Variants in LEKR1 observed in about 807,000 individuals in gnomAD.
LEKR1 encodes leucine, glutamate and lysine rich 1.
A neutral mutation model predicts 72.4 loss-of-function variants in LEKR1; 59 were observed. The observed-to-expected ratio is 0.82, with a 90% CI of 0.66 to 1.01. LEKR1 has a LOEUF of 1.01. LEKR1 is among the 50% of genes least tolerant of loss of function. The probability of loss-of-function intolerance (pLI) is 0.00; values close to 1 mark genes in which losing one functional copy is unlikely to be tolerated. For synonymous variants in LEKR1, 257 were observed against 263.2 expected (o/e 0.98, Z 0.23); for missense variants, 728 against 759.2 (o/e 0.96, Z 0.48).
chr3:156,989,475 A>G (rs1330299640), intron 7 of LEKR1, among the ~76,000 whole-genome samples: 1 of 152,178 alleles, frequency 6.6e-6, no homozygotes, highest in African/African-American at 2.4e-5. Context: ...GTGTTTATAA[A>G]TACTCATTTC....
At chr3:156,846,655 G>A (rs1714637506) in intron 2 of LEKR1, among the ~76,000 whole-genome samples, 1 of 152,102 alleles carries the variant, frequency 6.6e-6, no homozygotes, top group Non-Finnish European at 1.5e-5. Context: ...TTGTTTTTGA[G>A]TAAGGGCATC....
intron 7 of LEKR1, among the ~76,000 whole-genome samples, chr3:156,982,314 G>A (rs186265721): frequency 5.3e-5 from 8 of 152,186 alleles, no homozygotes; most frequent in East Asian, 1.9e-4. Context: ...CCCTATAATC[G>A]CAAGATGGCT....
At chr3:157,017,147 A>G (rs1440408038) in intron 10 of LEKR1, among the ~76,000 whole-genome samples, 1 of 152,214 alleles carries the variant, frequency 6.6e-6, no homozygotes. Flanking sequence ...CTCTGTCACA[A>G]CCATTCAACC....
At chr3:156,849,745 A>G (rs1715104625) in intron 2 of LEKR1, among the ~76,000 whole-genome samples, 1 of 152,220 alleles carries the variant, frequency 6.6e-6, no homozygotes, top group South Asian at 2.1e-4. Context: ...TGCACCTTAT[A>G]CAAAAATTAA....
At chr3:157,013,770 T>G (rs1477466717) in intron 10 of LEKR1, among the ~76,000 whole-genome samples, 1 of 152,098 alleles carries the variant, frequency 6.6e-6, no homozygotes, top group Non-Finnish European at 1.5e-5. Flanking sequence ...GGAGAATCAT[T>G]AATATGACAT....
chr3:157,038,494 C>T (rs1297620757), intron 12 of LEKR1, among the ~76,000 whole-genome samples: 5 of 152,124 alleles, frequency 3.3e-5, no homozygotes, highest in Non-Finnish European at 7.4e-5. Flanking sequence ...TGATACTTAA[C>T]CCTTGGGACT....
chr3:156,849,184 G>T (rs559866099), intron 2 of LEKR1, among the ~76,000 whole-genome samples: 1 of 152,186 alleles, frequency 6.6e-6, no homozygotes, highest in East Asian at 1.9e-4. Flanking sequence ...AAAATACCTA[G>T]GAATCCAACT....
rs80353013 is a variant in LEKR1, at chr3:156,999,212, G to A, written c.1109+5935G>A. ...TTTCCTTTATAAATTACCCAGTCTCGGGCAGTTCTTTATAGCAGCATGAGA... is the reference window on the plus strand; with the variant it reads ...TTTCCTTTATAAATTACCCAGTCTCAGGCAGTTCTTTATAGCAGCATGAGA... On this transcript the variant is annotated intron_variant, in intron 9 of 12. Transcript: ENST00000356539. Among the ~76,000 whole-genome samples the A allele has an allele frequency of 3.5e-3, 527 of 152,102 alleles. 17 individuals carry two copies. The East Asian group carries it at 0.082, about 24-fold the overall frequency.
At chr3:157,001,501 T>A (rs1732009624) in intron 9 of LEKR1, among the ~76,000 whole-genome samples, 1 of 152,234 alleles carries the variant, frequency 6.6e-6, no homozygotes, top group African/African-American at 2.4e-5. Context: ...ATTAAGGGAA[T>A]CTGGATTCGC....
chr3:156,858,578 G>A (rs1171586978), intron 3 of LEKR1, among the ~76,000 whole-genome samples: 2 of 151,668 alleles, frequency 1.3e-5, no homozygotes, highest in African/African-American at 4.9e-5. Context: ...GGAGGCTGAG[G>A]TGGGAGAATC....
chr3:156,883,940 T>C (rs1719770312), intron 3 of LEKR1, among the ~76,000 whole-genome samples: 1 of 152,180 alleles, frequency 6.6e-6, no homozygotes, highest in South Asian at 2.1e-4. Context: ...AGTAATTGTT[T>C]TATAAATTTG....
intron 2 of LEKR1, among the ~76,000 whole-genome samples, chr3:156,829,587 T>C (rs1223402041): frequency 6.6e-6 from 1 of 152,202 alleles, no homozygotes; most frequent in Non-Finnish European, 1.5e-5. Context: ...AAGACATATA[T>C]CTAATTCCAG....
chr3:156,920,857 C>T, intron 4 of LEKR1, 163 bp downstream of exon 4: 1 of 467,418 alleles, frequency 2.1e-6, no homozygotes, highest in East Asian at 3.9e-5. Context: ...ACCATTATCT[C>T]AATGAATAGT....
intron 3 of LEKR1, among the ~76,000 whole-genome samples, chr3:156,903,158 T>C (rs1245053142): frequency 6.6e-6 from 1 of 152,132 alleles, no homozygotes; most frequent in African/African-American, 2.4e-5. Flanking sequence ...TGAGCATTTT[T>C]ATGCTTCAAA....
intron 3 of LEKR1, among the ~76,000 whole-genome samples, chr3:156,912,604 C>T (rs905708459): frequency 2.0e-5 from 3 of 152,226 alleles, no homozygotes; most frequent in South Asian, 2.1e-4. Flanking sequence ...TTCCCACTCA[C>T]GCCTGGGTTC....
chr3:157,040,435 A>G (rs995227659), intron 12 of LEKR1, among the ~76,000 whole-genome samples: 1 of 152,176 alleles, frequency 6.6e-6, no homozygotes, highest in East Asian at 1.9e-4. Flanking sequence ...AACCAGCCTG[A>G]CATCCATCTT....
intron 10 of LEKR1, among the ~76,000 whole-genome samples, chr3:157,021,541 T>C (rs1174815109): frequency 6.6e-6 from 1 of 152,330 alleles, no homozygotes; most frequent in East Asian, 1.9e-4. Context: ...AAACTTTTTT[T>C]GAAGGTTCTT....
chr3:156,851,104 A>G (rs1715304317), intron 2 of LEKR1: 1 of 135,476 alleles, frequency 7.4e-6, no homozygotes, highest in Non-Finnish European at 1.5e-5. Context: ...ACACTAAACT[A>G]TTGCATCTGG....
chr3:156,903,864 T>C (rs1302166540), intron 3 of LEKR1, among the ~76,000 whole-genome samples: 5 of 152,182 alleles, frequency 3.3e-5, no homozygotes, highest in African/African-American at 1.2e-4. Flanking sequence ...TGACTCAGTG[T>C]TGGGGAGATG....
Sources: allele counts gnomAD v4.1 joint callset (sites outside exome capture counted in the v4.1 genomes callset), GRCh38; gene constraint gnomAD v4.1.1; transcripts MANE v1.5; gene names NCBI Gene and HGNC (gene_info 2026-07-23, HGNC 2026-07-21).